SLC2A12: variants seen among roughly 807,000 people sequenced by gnomAD.
The protein encoded by SLC2A12 is solute carrier family 2, facilitated glucose transporter member 12.
Under a neutral mutation model 41.8 loss-of-function variants are expected in SLC2A12, and 23 were observed. The ratio of observed to expected loss-of-function variants is 0.55; its 90% CI spans 0.40 to 0.78. SLC2A12 has a LOEUF of 0.78. Among genes scored for constraint, SLC2A12 ranks in the 30% least tolerant of loss-of-function variants. The probability of loss-of-function intolerance (pLI) is 0.00; values close to 1 mark genes in which losing one functional copy is unlikely to be tolerated. For synonymous variants in SLC2A12, 295 were observed against 285.9 expected, an observed-to-expected ratio of 1.03 and a Z score of -0.32; for missense variants, 654 against 745.6, an observed-to-expected ratio of 0.88 and a Z score of 1.43.
chr6:134,015,212 A>T (rs578247845), intron 2 of SLC2A12, among the ~76,000 whole-genome samples: 3 of 152,372 alleles, frequency 2.0e-5, no homozygotes, highest in African/African-American at 7.2e-5. Flanking sequence ...CTATTATTGT[A>T]TAATGGCTAC....
At chr6:134,000,467 G>C (rs542715918) in intron 4 of SLC2A12, among the ~76,000 whole-genome samples, 1 of 152,250 alleles carries the variant, frequency 6.6e-6, no homozygotes, top group African/African-American at 2.4e-5. Context: ...CTGAAGAATC[G>C]CTATGCCCAC....
At chr6:134,023,711 C>T (rs1481361274) in intron 2 of SLC2A12, among the ~76,000 whole-genome samples, 1 of 152,122 alleles carries the variant, frequency 6.6e-6, no homozygotes, top group African/African-American at 2.4e-5. Flanking sequence ...ATGACCTCAC[C>T]TCTTATTTTA....
At chr6:134,035,059 C>A (rs1777274440) in intron 1 of SLC2A12, among the ~76,000 whole-genome samples, 2 of 148,732 alleles carry the variant, frequency 1.3e-5, no homozygotes, top group Admixed American at 1.4e-4. Context: ...GCTGTTGGGG[C>A]TCGGAATAAG....
chr6:134,032,426 T>TATATATATA (rs1777223371), intron 1 of SLC2A12, among the ~76,000 whole-genome samples: 11 of 35,504 alleles, frequency 3.1e-4, no homozygotes, highest in South Asian at 8.9e-4. Flanking sequence ...ATATATATAT[T>TATATATATA]TATATATATA....
At chr6:134,016,285 AAAAT>A (rs545212628) in intron 2 of SLC2A12, among the ~76,000 whole-genome samples, 2,685 of 151,990 alleles carry the variant, frequency 0.018, 75 homozygotes, top group African/African-American at 0.058. Context: ...AACAAAAGAA[AAAAT>A]AAATAAATAA....
chr6:133,989,590 AGAATT>A lies in SLC2A12; in HGVS notation c.*1560_*1564del, dbSNP rs1476142860. ...ATTTGCGTATGAAATACACCATGAT[AGAATT>A]GAGATCTCCAATCTCCTTTCCTTTT... is the stretch of plus-strand genomic sequence containing the variant. On this transcript the variant is annotated 3_prime_UTR_variant, in exon 5 of 5. Coordinates refer to ENST00000275230, the MANE Select transcript of SLC2A12 (RefSeq NM_145176.3). 2.0e-5 allele frequency: 3 copies of A among 152,188 alleles called. No homozygotes were observed. The highest frequency in any genetic ancestry group is 4.4e-5 in the Non-Finnish European group (3 of 68,028). The allele number at this position is 152,188 out of a possible 1,614,324, so 9.4% of individuals were successfully genotyped here.
chr6:134,017,912 C>T (rs1163976442), intron 2 of SLC2A12, among the ~76,000 whole-genome samples: 1 of 151,648 alleles, frequency 6.6e-6, no homozygotes, highest in South Asian at 2.1e-4. Flanking sequence ...CAGCCTATAT[C>T]TCACCTTTCA....
chr6:134,002,565 GGACAATTTTTTCCCCCTCTTGCTATCAT>G (rs1280776036), intron 3 of SLC2A12, among the ~76,000 whole-genome samples: 2 of 151,918 alleles, frequency 1.3e-5, no homozygotes, highest in Non-Finnish European at 2.9e-5. Context: ...TCTGTTCGGT[GGACAATTTTTTCCCCCTCTTGCTATCAT>G]TCCCAATGGT....
chr6:134,038,326 T>C (rs1006056792), intron 1 of SLC2A12, among the ~76,000 whole-genome samples: 4 of 151,492 alleles, frequency 2.6e-5, no homozygotes, highest in Non-Finnish European at 4.4e-5. Context: ...TGATTATGTG[T>C]ATTACTTTCA....
chr6:134,023,458 C>T (rs569328982), intron 2 of SLC2A12, among the ~76,000 whole-genome samples: 5 of 152,026 alleles, frequency 3.3e-5, no homozygotes, highest in Non-Finnish European at 7.4e-5. Context: ...AGGAATTCAG[C>T]TTTGGGGTTG....
In SLC2A12 at chr6:133,988,866, C is replaced by T. The variant is rs1296859356; in HGVS notation, c.*2289G>A. 6.6e-6 allele frequency: 1 copy of T among 152,022 alleles called. No homozygotes were observed. Among genetic ancestry groups the T allele is most frequent in the East Asian group, 1.9e-4 (1 of 5,192 alleles). 9.4% of individuals were successfully genotyped at this position (152,022 alleles called of 1,614,324 possible). On this transcript the variant is annotated 3_prime_UTR_variant, in exon 5 of 5. Transcript: ENST00000275230. ...ACATTTTTCATTTAGTTTTAATTAA[C>T]AGTAATAAGTCACCTCCTGTTTTTC...
chr6:134,021,505 C>A (rs1258435703), intron 2 of SLC2A12, among the ~76,000 whole-genome samples: 1 of 152,194 alleles, frequency 6.6e-6, no homozygotes, highest in Non-Finnish European at 1.5e-5. Flanking sequence ...TGTGTTCTCA[C>A]ATTGTAACTT....
At chr6:134,012,653 A>T (rs1032839687) in intron 2 of SLC2A12, among the ~76,000 whole-genome samples, 1 of 152,044 alleles carries the variant, frequency 6.6e-6, no homozygotes, top group African/African-American at 2.4e-5. Context: ...CCTATTTGAT[A>T]GCCATTGTCA....
intron 4 of SLC2A12, among the ~76,000 whole-genome samples, chr6:133,999,828 A>G (rs1309566884): frequency 6.6e-6 from 1 of 152,194 alleles, no homozygotes; most frequent in Non-Finnish European, 1.5e-5. Flanking sequence ...AGCAATGGAT[A>G]ATTGATGTGA....
Position 134,002,058 on chromosome 6 carries a change from TAAC to T in SLC2A12, c.1636_1638del (p.Val546del). ...CATCCCTTTGTCTCAGGTATAAACA[TAAC>T]AACAAAAAGCAGGGATGCTAGACTC... On this transcript the variant is annotated inframe_deletion, in exon 4 of 5. Transcript: ENST00000275230. 6.2e-7 allele frequency: 1 copy of T among 1,603,402 alleles called. No homozygotes were observed. The highest frequency in any genetic ancestry group is 8.5e-7 in the Non-Finnish European group (1 of 1,177,066).
chr6:133,999,704 A>G (rs1332356824), intron 4 of SLC2A12, among the ~76,000 whole-genome samples: 3 of 152,230 alleles, frequency 2.0e-5, no homozygotes, highest in Non-Finnish European at 4.4e-5. Flanking sequence ...CCTCCTGCCC[A>G]GGGAGACATG....
intron 4 of SLC2A12, among the ~76,000 whole-genome samples, chr6:133,999,724 C>A (rs765207642): frequency 3.9e-5 from 6 of 152,020 alleles, no homozygotes; most frequent in Non-Finnish European, 5.9e-5. Context: ...GTGAGTGAGC[C>A]CAGGCAAAGC....
At position 133,989,429 on chromosome 6, in the gene SLC2A12, C is replaced by T. The variant is rs1776588374; in HGVS notation, c.*1726G>A. ...ACTGGCTAGGTTGATAAACAATTTC[C>T]TGCCCATTTATAATGAAGGGCTAAA... is the stretch of plus-strand genomic sequence containing the variant. On this transcript the variant is annotated 3_prime_UTR_variant, in exon 5 of 5. Coordinates refer to ENST00000275230, the MANE Select transcript of SLC2A12 (RefSeq NM_145176.3). 2 of 152,086 alleles carry T rather than the reference C, an allele frequency of 1.3e-5. No homozygotes were observed. The highest frequency in any genetic ancestry group is 4.1e-4 in the South Asian group (2 of 4,826). The allele number at this position is 152,086 out of a possible 1,614,324, so 9.4% of individuals were successfully genotyped here.
In SLC2A12 at chr6:134,023,417, A is replaced by C. The variant is rs1306913155; in HGVS notation, c.1444+4964T>G. Among the ~76,000 whole-genome samples, 3 of 152,178 alleles carry C rather than the reference A, an allele frequency of 2.0e-5. No homozygotes were observed. In the East Asian group the frequency reaches 5.8e-4, roughly 29 times the overall value. On this transcript the variant is annotated intron_variant, in intron 2 of 4. Transcript: ENST00000275230. Reference sequence around the variant, plus strand: ...TGACTGCCCTCTAGAAAGGGAATGGAAGTGGTAAAGAACCCTGGTACAAGA... The same window carrying C: ...TGACTGCCCTCTAGAAAGGGAATGGCAGTGGTAAAGAACCCTGGTACAAGA...
Sources: gnomAD v4.1 joint callset for allele counts (sites outside exome capture counted in the v4.1 genomes callset) on GRCh38, gnomAD v4.1.1 for gene constraint, MANE v1.5 for transcripts, NCBI Gene and HGNC (gene_info 2026-07-23, HGNC 2026-07-21) for gene names.